The following CLNK variants were observed in gnomAD, a reference collection of about 807,000 sequenced individuals.
The protein encoded by CLNK is cytokine dependent hematopoietic cell linker.
In CLNK, 74 loss-of-function variants were observed where a neutral mutation model predicts 68.6. The ratio of observed to expected loss-of-function variants is 1.08; its 90% CI spans 0.89 to 1.31. The LOEUF (loss-of-function observed/expected upper bound fraction) is 1.31, where lower values mean the gene tolerates loss of function less well. Ranked by LOEUF, CLNK falls within the 50% of genes most tolerant of loss-of-function variation. The probability of loss-of-function intolerance (pLI) is 0.00; values close to 1 mark genes in which losing one functional copy is unlikely to be tolerated. For missense variants in CLNK, 553 were observed against 515.3 expected (o/e 1.07, Z -0.71); for synonymous variants, 198 against 172.2 (o/e 1.15, Z -1.17).
At chr4:10,547,485 T>C (rs1719278751) in intron 8 of CLNK, among the ~76,000 whole-genome samples, 1 of 152,222 alleles carries the variant, frequency 6.6e-6, no homozygotes, top group Non-Finnish European at 1.5e-5. Flanking sequence ...TTATTTTCTT[T>C]TTTTGGTAAG....
intron 2 of CLNK, among the ~76,000 whole-genome samples, chr4:10,622,023 G>T (rs1577175092): frequency 6.6e-6 from 1 of 152,288 alleles, no homozygotes; most frequent in Admixed American, 6.5e-5. Flanking sequence ...TGCAGTCTAG[G>T]TCATAAAAGC....
chr4:10,725,669 T>A, the CLNK span, among the ~76,000 whole-genome samples: 54 of 152,174 alleles, frequency 3.5e-4, no homozygotes, highest in East Asian at 1.4e-3. Context: ...CTGGCTAACA[T>A]GGTGAAACAC....
At chr4:10,662,217 G>T (rs964355093) in intron 2 of CLNK, among the ~76,000 whole-genome samples, 3 of 152,122 alleles carry the variant, frequency 2.0e-5, no homozygotes, top group Non-Finnish European at 4.4e-5. Context: ...TTTAATCTTG[G>T]TGATAAAACT....
Position 10,656,421 on chromosome 4 carries a change from T to C in CLNK, c.11+11438A>G, listed in dbSNP as rs574291037. On this transcript the variant is annotated intron_variant, in intron 2 of 18. Transcript: ENST00000226951. Reference sequence around the variant, plus strand: ...AGAAAAGCTTAATGGCTAATAAATATCTGAAAGGATGCTTAGCTACACCAT... The same window carrying C: ...AGAAAAGCTTAATGGCTAATAAATACCTGAAAGGATGCTTAGCTACACCAT... 5 of 150,556 alleles carry C rather than the reference T, an allele frequency of 3.3e-5. No individual in the cohort carries two copies. In the East Asian group the frequency reaches 7.8e-4, roughly 24 times the overall value. 9.3% of individuals were successfully genotyped at this position (150,556 alleles called of 1,614,324 possible).
At chr4:10,604,222 C>T (rs1490471227) in intron 2 of CLNK, among the ~76,000 whole-genome samples, 1 of 152,164 alleles carries the variant, frequency 6.6e-6, no homozygotes, top group Admixed American at 6.5e-5. Flanking sequence ...GTTGAACAAC[C>T]AGTAGCATCA....
At chr4:10,507,680 C>G (rs138669149) in intron 17 of CLNK, among the ~76,000 whole-genome samples, 3,098 of 151,882 alleles carry the variant, frequency 0.02, 38 homozygotes, top group Middle Eastern at 0.044. Context: ...CGGGGTTTCA[C>G]CATGTTGTTC....
At chr4:10,699,494 C>CTCTCTCTCTATATATATA in the CLNK span, among the ~76,000 whole-genome samples, 4 of 56,988 alleles carry the variant, frequency 7.0e-5, no homozygotes, top group African/African-American at 2.7e-4. Flanking sequence ...CTCTCTCTCT[C>CTCTCTCTCTATATATATA]TATATATATA....
intron 4 of CLNK, among the ~76,000 whole-genome samples, chr4:10,582,652 C>G (rs985657639): frequency 1.3e-5 from 2 of 152,000 alleles, no homozygotes; most frequent in African/African-American, 4.8e-5. Context: ...CCAGTTGGAA[C>G]ATGTGTCTGT....
At chr4:10,527,121 C>T (rs541443911) in intron 13 of CLNK, among the ~76,000 whole-genome samples, 1 of 152,224 alleles carries the variant, frequency 6.6e-6, no homozygotes, top group Non-Finnish European at 1.5e-5. Context: ...CCCAGAGTAT[C>T]TGCCCCTCTT....
chr4:10,727,454 G>C, the CLNK span, among the ~76,000 whole-genome samples: 1 of 152,186 alleles, frequency 6.6e-6, no homozygotes, highest in Non-Finnish European at 1.5e-5. Context: ...GAATTGGAGG[G>C]GGTCAGTCTA....
the CLNK span, among the ~76,000 whole-genome samples, chr4:10,697,989 C>G: frequency 6.6e-6 from 1 of 152,148 alleles, no homozygotes; most frequent in Middle Eastern, 3.2e-3. Flanking sequence ...GGATATATGT[C>G]TATGGAAGTG....
At chr4:10,580,544 G>A (rs552105003) in intron 4 of CLNK, among the ~76,000 whole-genome samples, 13 of 152,120 alleles carry the variant, frequency 8.5e-5, no homozygotes, top group African/African-American at 2.9e-4. Flanking sequence ...ATGTGGAGGC[G>A]GAAGGCAGTG....
At chr4:10,657,196 T>C (rs1391407045) in intron 2 of CLNK, among the ~76,000 whole-genome samples, 1 of 152,290 alleles carries the variant, frequency 6.6e-6, no homozygotes, top group East Asian at 1.9e-4. Context: ...ATAAAATCTG[T>C]AACATGATTC....
intron 11 of CLNK, among the ~76,000 whole-genome samples, chr4:10,538,452 T>G (rs1213437790): frequency 6.6e-6 from 1 of 152,244 alleles, no homozygotes; most frequent in Non-Finnish European, 1.5e-5. Context: ...AATCCTATTT[T>G]CTGTCTTCTT....
chr4:10,605,632 A>G (rs1338044423), intron 2 of CLNK, among the ~76,000 whole-genome samples: 1 of 152,076 alleles, frequency 6.6e-6, no homozygotes, highest in Non-Finnish European at 1.5e-5. Context: ...GATCGAGACC[A>G]TCCTGCCCAA....
chr4:10,516,455 G>A (rs981632249), intron 15 of CLNK, among the ~76,000 whole-genome samples: 12 of 151,788 alleles, frequency 7.9e-5, no homozygotes, highest in African/African-American at 1.4e-4. Context: ...TTATATAGGC[G>A]CTAATCAAAA....
chr4:10,529,338 G>T (rs1718441262), intron 12 of CLNK, among the ~76,000 whole-genome samples: 1 of 152,094 alleles, frequency 6.6e-6, no homozygotes, highest in Non-Finnish European at 1.5e-5. Flanking sequence ...AAAACAGTTG[G>T]TTTACAGATG....
chr4:10,569,727 T>A (rs1720267281), intron 5 of CLNK, among the ~76,000 whole-genome samples: 1 of 152,206 alleles, frequency 6.6e-6, no homozygotes. Context: ...GCCGGCATCA[T>A]GTTATGTGTA....
the CLNK span, among the ~76,000 whole-genome samples, chr4:10,705,551 C>A: frequency 6.6e-6 from 1 of 152,148 alleles, no homozygotes; most frequent in African/African-American, 2.4e-5. Flanking sequence ...GGGCTCATAG[C>A]CTCATCCTTT....
Sources: gnomAD v4.1 joint callset for allele counts (sites outside exome capture counted in the v4.1 genomes callset) on GRCh38, gnomAD v4.1.1 for gene constraint, MANE v1.5 for transcripts, NCBI Gene and HGNC (gene_info 2026-07-23, HGNC 2026-07-21) for gene names.